PIK3CB: variants seen among roughly 807,000 people sequenced by gnomAD.
The protein encoded by PIK3CB is phosphatidylinositol-4,5-bisphosphate 3-kinase catalytic subunit beta.
Under a neutral mutation model 136.8 loss-of-function variants are expected in PIK3CB, and 39 were observed. That is an observed-to-expected ratio of 0.29 (90% CI 0.22 to 0.37). The LOEUF is 0.37. Ranked by LOEUF, PIK3CB falls within the 10% of genes least tolerant of loss-of-function variation. PIK3CB has a pLI of 1.00. For missense variants in PIK3CB, 868 were observed against 1,275.4 expected (o/e 0.68, Z 4.87); for synonymous variants, 428 against 436.6 (o/e 0.98, Z 0.25).
intron 16 of PIK3CB, among the ~76,000 whole-genome samples, chr3:138,686,092 G>A (rs1171650458): frequency 1.3e-5 from 2 of 149,230 alleles, no homozygotes; most frequent in East Asian, 2.0e-4. Flanking sequence ...AGCCAAGATC[G>A]TACCACTACA....
chr3:138,719,373 G>C (rs1027017714), intron 8 of PIK3CB, among the ~76,000 whole-genome samples: 1 of 149,796 alleles, frequency 6.7e-6, no homozygotes, highest in Non-Finnish European at 1.5e-5. Context: ...AGCCTCCCAA[G>C]TAGCTGGGAT....
intron 9 of PIK3CB, among the ~76,000 whole-genome samples, chr3:138,713,377 G>A (rs970944949): frequency 6.6e-6 from 1 of 150,706 alleles, no homozygotes; most frequent in Non-Finnish European, 1.5e-5. Context: ...CCCATGTTAA[G>A]AATAAAAGAA....
chr3:138,790,466 C>G (rs946265431), intron 2 of PIK3CB, among the ~76,000 whole-genome samples: 1 of 148,384 alleles, frequency 6.7e-6, no homozygotes, highest in African/African-American at 2.5e-5. Flanking sequence ...AAAAAAAAAG[C>G]AAAATGATAA....
At chr3:138,752,343 T>C (rs1252983209) in intron 4 of PIK3CB, among the ~76,000 whole-genome samples, 2 of 152,224 alleles carry the variant, frequency 1.3e-5, no homozygotes, top group East Asian at 3.8e-4. Flanking sequence ...ACCTTGTTCC[T>C]AAAGTTAAAC....
At chr3:138,713,577 A>G (rs1346197554) in intron 9 of PIK3CB, among the ~76,000 whole-genome samples, 2 of 152,126 alleles carry the variant, frequency 1.3e-5, no homozygotes, top group Non-Finnish European at 2.9e-5. Flanking sequence ...AGGCTGAGGC[A>G]GGAGAATCGC....
chr3:138,755,379 T>C (rs1325917282), intron 4 of PIK3CB, among the ~76,000 whole-genome samples: 1 of 152,204 alleles, frequency 6.6e-6, no homozygotes, highest in Non-Finnish European at 1.5e-5. Context: ...CAGTGGCTCA[T>C]ACCTGTAATC....
At chr3:138,741,129 T>C (rs1338442822) in intron 5 of PIK3CB, among the ~76,000 whole-genome samples, 5 of 152,266 alleles carry the variant, frequency 3.3e-5, no homozygotes, top group African/African-American at 9.6e-5. Context: ...TGTTTTTCCC[T>C]AGATAAACTT....
At chr3:138,743,386 A>T (rs2045283280) in intron 4 of PIK3CB, among the ~76,000 whole-genome samples, 1 of 152,230 alleles carries the variant, frequency 6.6e-6, no homozygotes, top group South Asian at 2.1e-4. Flanking sequence ...CTTAAATTTT[A>T]TAGACTGAAT....
intron 21 of PIK3CB, among the ~76,000 whole-genome samples, chr3:138,660,791 A>G (rs988065776): frequency 2.6e-5 from 4 of 152,266 alleles, no homozygotes; most frequent in African/African-American, 4.8e-5. Context: ...CTTCAAAACA[A>G]TATGTCGTAC....
intron 19 of PIK3CB, among the ~76,000 whole-genome samples, chr3:138,665,928 G>A (rs1395644772): frequency 6.6e-6 from 1 of 152,090 alleles, no homozygotes; most frequent in Non-Finnish European, 1.5e-5. Context: ...CTTGAGTTGA[G>A]ATTTTACCTC....
intron 4 of PIK3CB, among the ~76,000 whole-genome samples, chr3:138,752,885 T>C (rs1420257568): frequency 2.6e-5 from 4 of 152,120 alleles, no homozygotes; most frequent in Non-Finnish European, 4.4e-5. Flanking sequence ...ATATGTAATA[T>C]TTCAATCTTC....
At chr3:138,678,899 C>G (rs113890948) in intron 19 of PIK3CB, among the ~76,000 whole-genome samples, 5,257 of 152,064 alleles carry the variant, frequency 0.035, 313 homozygotes, top group African/African-American at 0.12. Context: ...AACCTCGTCT[C>G]TACTAAAAAT....
At chr3:138,820,922 G>A (rs944481244) in intron 1 of PIK3CB, among the ~76,000 whole-genome samples, 2 of 152,168 alleles carry the variant, frequency 1.3e-5, no homozygotes, top group African/African-American at 4.8e-5. Context: ...AAACAATAAT[G>A]CAACAAATAG....
intron 19 of PIK3CB, among the ~76,000 whole-genome samples, chr3:138,672,686 C>A (rs1214224352): frequency 6.6e-6 from 1 of 152,014 alleles, no homozygotes; most frequent in South Asian, 2.1e-4. Context: ...TGGAGCCAGG[C>A]GGATCACCTG....
chr3:138,688,134 A>G (rs1457879986), intron 16 of PIK3CB, among the ~76,000 whole-genome samples: 2 of 152,198 alleles, frequency 1.3e-5, no homozygotes, highest in Non-Finnish European at 2.9e-5. Context: ...ATGGAAGCCT[A>G]TGAGAGTTCT....
In PIK3CB at chr3:138,817,166, G is replaced by A. The variant is rs575035049; in HGVS notation, c.-122+17529C>T. Reference sequence around the variant, plus strand: ...ATCCTGGCTAACACAGTGAAACCCCGTCTCTACTAAAAATACAAAAAATTA... The same window carrying A: ...ATCCTGGCTAACACAGTGAAACCCCATCTCTACTAAAAATACAAAAAATTA... On this transcript the variant is annotated intron_variant, in intron 1 of 23. Coordinates refer to ENST00000674063, the MANE Select transcript of PIK3CB (RefSeq NM_006219.3). Among the ~76,000 whole-genome samples, 21 of 152,080 alleles carry A rather than the reference G, an allele frequency of 1.4e-4. No homozygotes were observed. In the South Asian group the frequency reaches 2.5e-3, roughly 18 times the overall value.
At chr3:138,807,135 T>C (rs1339167310) in intron 1 of PIK3CB, among the ~76,000 whole-genome samples, 1 of 152,224 alleles carries the variant, frequency 6.6e-6, no homozygotes, top group Non-Finnish European at 1.5e-5. Flanking sequence ...AAGTCAAATC[T>C]AAATCTTATT....
rs944724679 is a variant in PIK3CB, at chr3:138,794,108, G to A, written c.-17+2355C>T. Among the ~76,000 whole-genome samples, 20 of 152,036 alleles carry A rather than the reference G, an allele frequency of 1.3e-4. 1 individual carries two copies. The highest frequency in any genetic ancestry group is 4.4e-5 in the Non-Finnish European group (3 of 68,016). ...CTCTCAAGTAGCTGGGATTACAGGT[G>A]CCCGCCACCATGCCCAGCTAATTTT... is the stretch of plus-strand genomic sequence containing the variant. On this transcript the variant is annotated intron_variant, in intron 2 of 23. Transcript: ENST00000674063.
chr3:138,705,494 A>C (rs2044362102), intron 11 of PIK3CB, among the ~76,000 whole-genome samples: 1 of 152,200 alleles, frequency 6.6e-6, no homozygotes, highest in African/African-American at 2.4e-5. Flanking sequence ...TATTATAAGC[A>C]CAAAATTTAA....
Sources: gnomAD v4.1 joint callset for allele counts (sites outside exome capture counted in the v4.1 genomes callset) on GRCh38, gnomAD v4.1.1 for gene constraint, MANE v1.5 for transcripts, NCBI Gene and HGNC (gene_info 2026-07-23, HGNC 2026-07-21) for gene names.